Variants in TNPO1 observed in about 807,000 individuals in gnomAD.
TNPO1 encodes the protein transportin-1.
Under a neutral mutation model 119.5 loss-of-function variants are expected in TNPO1, and 8 were observed. That is an observed-to-expected ratio of 0.07 (90% CI 0.04 to 0.12). The LOEUF is 0.12. TNPO1 is among the 10% of genes least tolerant of loss of function. TNPO1 has a pLI of 1.00. For synonymous variants in TNPO1, 362 were observed against 363.0 expected (o/e 1.00, Z 0.03); for missense variants, 576 against 1,089.8 (o/e 0.53, Z 6.64).
At chr5:72,857,602 A>T (rs1746104963) in intron 4 of TNPO1, among the ~76,000 whole-genome samples, 3 of 152,222 alleles carry the variant, frequency 2.0e-5, no homozygotes, top group Admixed American at 6.5e-5. Context: ...CGGATCCAGG[A>T]GAGAAATCTC....
At chr5:72,867,508 A>C (rs1177380317) in intron 6 of TNPO1, among the ~76,000 whole-genome samples, 1 of 152,214 alleles carries the variant, frequency 6.6e-6, no homozygotes, top group Admixed American at 6.5e-5. Context: ...ATCAGACTTG[A>C]GGTACTCAGA....
intron 5 of TNPO1, among the ~76,000 whole-genome samples, chr5:72,863,861 A>G (rs915491584): frequency 1.1e-4 from 17 of 152,214 alleles, no homozygotes; most frequent in African/African-American, 4.1e-4. Flanking sequence ...TGTGATGGTA[A>G]TAACATAAAA....
chr5:72,892,706 A>G (rs1749152549), intron 15 of TNPO1, among the ~76,000 whole-genome samples: 1 of 152,074 alleles, frequency 6.6e-6, no homozygotes, highest in African/African-American at 2.4e-5. Flanking sequence ...TTGTTTTTCT[A>G]AATACTTTTG....
intron 9 of TNPO1, chr5:72,878,841 G>A (rs1443093086): frequency 1.2e-5 from 5 of 433,698 alleles, no homozygotes; most frequent in African/African-American, 6.3e-5. Context: ...GCAGAAATCC[G>A]CTTTTATTTA....
At chr5:72,908,540 G>GA (rs1750335801) in intron 24 of TNPO1, among the ~76,000 whole-genome samples, 169 bp from the exon 25 acceptor site, 1 of 152,292 alleles carries the variant, frequency 6.6e-6, no homozygotes, top group Admixed American at 6.5e-5. Context: ...ATAGGAGAAG[G>GA]AAGCAGCATG....
chr5:72,827,889 C>T (rs1230339143), intron 1 of TNPO1, among the ~76,000 whole-genome samples: 1 of 147,444 alleles, frequency 6.8e-6, no homozygotes, highest in Non-Finnish European at 1.5e-5. Context: ...CACTGCACTC[C>T]AGGCTGGGCA....
intron 1 of TNPO1, among the ~76,000 whole-genome samples, chr5:72,847,851 T>A (rs1486525956): frequency 2.0e-5 from 3 of 152,244 alleles, no homozygotes; most frequent in Non-Finnish European, 1.5e-5. Flanking sequence ...TTCTAATTAT[T>A]GCTGAACTGT....
chr5:72,852,631 A>G (rs1027938572), intron 3 of TNPO1, among the ~76,000 whole-genome samples: 2 of 152,248 alleles, frequency 1.3e-5, no homozygotes, highest in Non-Finnish European at 1.5e-5. Flanking sequence ...CAACCAGACC[A>G]TCTGTAAAGT....
chr5:72,885,248 C>CT (rs1430265854), intron 11 of TNPO1, among the ~76,000 whole-genome samples: 1 of 152,256 alleles, frequency 6.6e-6, no homozygotes, highest in East Asian at 1.9e-4. Context: ...ATAGCTAGTA[C>CT]TGATAGCACA....
intron 16 of TNPO1, 25 bp downstream of exon 16, chr5:72,893,271 C>T (rs1453222625): frequency 1.2e-6 from 2 of 1,608,382 alleles, no homozygotes; most frequent in Non-Finnish European, 1.7e-6. Context: ...ATGTCTTCCT[C>T]TTCTTGACAT....
chr5:72,873,337 T>C (rs185122983), intron 7 of TNPO1, among the ~76,000 whole-genome samples: 3 of 152,274 alleles, frequency 2.0e-5, no homozygotes, highest in Admixed American at 2.0e-4. Flanking sequence ...GCACCTTCAC[T>C]TTTATTTTCA....
At chr5:72,845,146 A>C (rs1379949932) in intron 1 of TNPO1, among the ~76,000 whole-genome samples, 1 of 150,562 alleles carries the variant, frequency 6.6e-6, no homozygotes, top group Admixed American at 6.7e-5. Flanking sequence ...ATATTAGTGT[A>C]GTATGGAGTA....
intron 1 of TNPO1, among the ~76,000 whole-genome samples, chr5:72,821,912 C>G (rs559776486): frequency 2.0e-5 from 3 of 152,244 alleles, no homozygotes; most frequent in African/African-American, 7.2e-5. Flanking sequence ...CACAAACTTT[C>G]TGTAAAGGGC....
At chr5:72,891,739 T>C in intron 14 of TNPO1, 71 bp from the exon 15 acceptor site, 2 of 1,142,776 alleles carry the variant, frequency 1.8e-6, no homozygotes, top group South Asian at 2.8e-5. Context: ...GATTTTAATT[T>C]TCAAAGACTC....
intron 14 of TNPO1, among the ~76,000 whole-genome samples, chr5:72,890,936 C>T (rs1334248411): frequency 6.6e-6 from 1 of 152,042 alleles, no homozygotes. Flanking sequence ...TCATTGCAAC[C>T]TCCACCTCCC....
At chr5:72,904,561 C>G (rs546968221) in intron 23 of TNPO1, among the ~76,000 whole-genome samples, 1 of 152,170 alleles carries the variant, frequency 6.6e-6, no homozygotes, top group East Asian at 1.9e-4. Context: ...TTTGGGAGGC[C>G]GAGGCAGGTG....
At chr5:72,900,466 AC>A (rs1348107685) in intron 21 of TNPO1, among the ~76,000 whole-genome samples, 1 of 152,214 alleles carries the variant, frequency 6.6e-6, no homozygotes, top group African/African-American at 2.4e-5. Context: ...ATTAAGAAAT[AC>A]ATGTTTAAAT....
rs369121835 is a variant in TNPO1, at chr5:72,895,709, A to G, written c.2144-749A>G. The stretch of plus-strand genomic sequence containing the variant: ...ATACTTATATAGGGAGACATTTCCC[A>G]TATCAATAAATTACTATCCTGAGGT... On this transcript the variant is annotated intron_variant, in intron 18 of 24. Transcript: ENST00000337273. Among the ~76,000 whole-genome samples the G allele has an allele frequency of 2.0e-5, 3 of 152,350 alleles. No individual in the cohort carries two copies. The East Asian group carries it at 5.8e-4, about 29-fold the overall frequency.
rs373360230 is a variant in TNPO1 at position 72,834,661 on chromosome 5, TA to T, written c.16-13720del. ...CAAAACTTTTAAAATCTAAAGTTCA[TA>T]AAATAAAAAGTTACAGTAACAGCTG... On this transcript the variant is annotated intron_variant, in intron 1 of 24. Transcript: ENST00000337273. Among the ~76,000 whole-genome samples the T allele has an allele frequency of 1.3e-4, 20 of 152,352 alleles. No homozygotes were observed. The East Asian group carries it at 3.7e-3, about 28-fold the overall frequency.
Sources: allele counts gnomAD v4.1 joint callset (sites outside exome capture counted in the v4.1 genomes callset), GRCh38; gene constraint gnomAD v4.1.1; transcripts MANE v1.5; gene names NCBI Gene and HGNC (gene_info 2026-07-23, HGNC 2026-07-21).